The following BICD1 variants were observed in gnomAD, a reference collection of about 807,000 sequenced individuals.
The protein encoded by BICD1 is protein bicaudal D homolog 1.
A neutral mutation model predicts 92.5 loss-of-function variants in BICD1; 35 were observed. The ratio of observed to expected loss-of-function variants is 0.38; its 90% confidence interval spans 0.29 to 0.50. BICD1 has a LOEUF of 0.50. Ranked by LOEUF, BICD1 falls within the 20% of genes least tolerant of loss-of-function variation. The pLI is 0.93. For synonymous variants in BICD1, 429 were observed against 465.1 expected (o/e 0.92, Z 1.00); for missense variants, 950 against 1,189.8 (o/e 0.80, Z 2.97).
At position 32,378,058 on chromosome 12, in the gene BICD1, T is replaced by G. The variant is rs1940050096; in HGVS notation, c.*431T>G. 2.6e-5 allele frequency: 4 copies of G among 154,244 alleles called. No homozygotes were observed. 9.6% of individuals were successfully genotyped at this position (154,244 alleles called of 1,614,324 possible). On this transcript the variant is annotated 3_prime_UTR_variant, in exon 10 of 10. Transcript: ENST00000652176. Reference sequence around the variant, plus strand: ...TCATTGATATTTATTTTGTACTTTATTTGCTACATGATTTATGTCTATACA... The same window carrying G: ...TCATTGATATTTATTTTGTACTTTAGTTGCTACATGATTTATGTCTATACA...
At chr12:32,366,511 TGGGAGGCTGAGGCAGGAGAATCACCTC>T (rs1197509604) in intron 8 of BICD1, among the ~76,000 whole-genome samples, 12 of 152,166 alleles carry the variant, frequency 7.9e-5, no homozygotes, top group East Asian at 7.8e-4. Context: ...CCCTGCTCCT[TGGGAGGCTGAGGCAGGAGAATCACCTC>T]GGGAGGCTGA....
At chr12:32,130,438 G>A (rs1015103738) in intron 1 of BICD1, among the ~76,000 whole-genome samples, 6 of 152,178 alleles carry the variant, frequency 3.9e-5, no homozygotes, top group Admixed American at 3.9e-4. Context: ...TGATCTGCCT[G>A]CCTCAGCCTC....
chr12:32,158,722 C>T (rs1301806614), intron 1 of BICD1, among the ~76,000 whole-genome samples: 1 of 152,160 alleles, frequency 6.6e-6, no homozygotes, highest in African/African-American at 2.4e-5. Flanking sequence ...TTTGTTAGAA[C>T]CTCTGCTGCA....
rs1412593321 is a variant in BICD1 at position 32,172,292 on chromosome 12, T to C, written c.214-43955T>C. 3.4e-5 allele frequency among the ~76,000 whole-genome samples: 5 copies of C among 145,630 alleles called. 1 individual carries two copies. The highest frequency in any genetic ancestry group is 9.8e-5 in the African/African-American group (4 of 41,020). ...TTGGTTTTATACCAGATACTAGTTA[T>C]ATAGAGATGAAAAGACAAGTTTCCT... On this transcript the variant is annotated intron_variant, in intron 1 of 9. Transcript: ENST00000652176.
chr12:32,372,817 C>A (rs1939788271), intron 9 of BICD1, among the ~76,000 whole-genome samples: 1 of 152,158 alleles, frequency 6.6e-6, no homozygotes, highest in South Asian at 2.1e-4. Context: ...TTCAAGGCAG[C>A]AGTGAGCCGA....
intron 2 of BICD1, among the ~76,000 whole-genome samples, chr12:32,239,907 C>T (rs895837426): frequency 2.0e-5 from 3 of 152,088 alleles, no homozygotes; most frequent in African/African-American, 7.2e-5. Flanking sequence ...CATGCCTGGC[C>T]CACTCAAGCA....
intron 1 of BICD1, among the ~76,000 whole-genome samples, chr12:32,134,183 G>A (rs1942650009): frequency 6.6e-6 from 1 of 152,162 alleles, no homozygotes; most frequent in Admixed American, 6.5e-5. Context: ...ATATATTCTT[G>A]AGCTAGAATT....
intron 2 of BICD1, among the ~76,000 whole-genome samples, chr12:32,282,115 AAG>A (rs1049569047): frequency 1.3e-5 from 2 of 151,916 alleles, no homozygotes; most frequent in Admixed American, 6.6e-5. Flanking sequence ...TCCTAGTGAA[AAG>A]AGTGTGAACA....
rs747095378 is a variant in BICD1, at chr12:32,216,271, C to T, written c.238C>T (p.His80Tyr). The change falls in exon 2 of 10, where the codon CAC (histidine) becomes TAC (tyrosine). Residue 80 changes from histidine (H) to tyrosine (Y), a missense_variant. Physicochemically the swap from His to Tyr is moderately conservative, Grantham distance 83 (BLOSUM62 2). This residue lies in a region of BICD1 where 202 missense variants were observed against 205.3 expected (regional missense o/e 0.98). Coordinates refer to ENST00000652176, the MANE Select transcript of BICD1 (RefSeq NM_001714.4). ...KEAFGQSFSI[H>Y]RKVAEDGETR... ...GGCATTTGGGCAGTCCTTCTCCATCCACCGGAAGGTTGCTGAAGATGGAGA... is the reference window on the plus strand; with the variant it reads ...GGCATTTGGGCAGTCCTTCTCCATCTACCGGAAGGTTGCTGAAGATGGAGA... The T allele has an allele frequency of 6.2e-7, 1 of 1,613,836 alleles. No homozygotes were observed. Among genetic ancestry groups the T allele is most frequent in the Admixed American group, 1.7e-5 (1 of 60,014 alleles).
intron 1 of BICD1, among the ~76,000 whole-genome samples, chr12:32,208,280 G>A (rs1366814925): frequency 6.6e-6 from 1 of 152,178 alleles, no homozygotes; most frequent in African/African-American, 2.4e-5. Flanking sequence ...TCGTCTTTCT[G>A]CTAATAATAG....
intron 1 of BICD1, among the ~76,000 whole-genome samples, chr12:32,190,140 C>A (rs1944526378): frequency 6.6e-6 from 1 of 151,858 alleles, no homozygotes; most frequent in Non-Finnish European, 1.5e-5. Context: ...TCAAAGCATA[C>A]CACTACAAAA....
chr12:32,308,095 T>C (rs534752151), intron 4 of BICD1, among the ~76,000 whole-genome samples: 6 of 152,330 alleles, frequency 3.9e-5, no homozygotes, highest in Middle Eastern at 3.4e-3. Flanking sequence ...AATTGGGTAA[T>C]ACAAAAGTCT....
intron 1 of BICD1, among the ~76,000 whole-genome samples, chr12:32,174,738 T>TC (rs1215638680): frequency 1.3e-5 from 2 of 152,218 alleles, no homozygotes; most frequent in African/African-American, 4.8e-5. Flanking sequence ...TAGTAATTAC[T>TC]CCTTTCATTA....
intron 1 of BICD1, among the ~76,000 whole-genome samples, chr12:32,120,761 T>C (rs955803067): frequency 6.6e-6 from 1 of 152,066 alleles, no homozygotes; most frequent in South Asian, 2.1e-4. Context: ...GACCATTTTT[T>C]TTTTGTCTTT....
At chr12:32,321,571 A>G (rs1314175434) in intron 4 of BICD1, among the ~76,000 whole-genome samples, 1 of 152,220 alleles carries the variant, frequency 6.6e-6, no homozygotes, top group Admixed American at 6.5e-5. Context: ...TCACTACAGA[A>G]GATTATAATA....
intron 1 of BICD1, chr12:32,108,558 A>G: frequency 1.6e-6 from 1 of 626,760 alleles, no homozygotes; most frequent in Admixed American, 2.5e-5. Context: ...TCAAGTCCTT[A>G]TTTTTAGGTG....
At chr12:32,194,798 G>C (rs140135855) in intron 1 of BICD1, among the ~76,000 whole-genome samples, 1 of 152,088 alleles carries the variant, frequency 6.6e-6, no homozygotes, top group Non-Finnish European at 1.5e-5. Flanking sequence ...TAGGAGAATC[G>C]CTTGAACCGG....
intron 1 of BICD1, among the ~76,000 whole-genome samples, chr12:32,148,298 C>T (rs1364892166): frequency 2.0e-5 from 3 of 152,004 alleles, no homozygotes; most frequent in African/African-American, 2.4e-5. Flanking sequence ...CAGTTACATT[C>T]GAATTAGGCA....
At chr12:32,319,791 T>A (rs551556716) in intron 4 of BICD1, among the ~76,000 whole-genome samples, 1 of 152,200 alleles carries the variant, frequency 6.6e-6, no homozygotes, top group African/African-American at 2.4e-5. Flanking sequence ...TTCAGGCTGG[T>A]CTCAAACTCC....
Sources: gnomAD v4.1 joint callset for allele counts (sites outside exome capture counted in the v4.1 genomes callset) on GRCh38, gnomAD v4.1.1 for gene constraint, gnomAD v4.1.1 regional missense constraint, MANE v1.5 for transcripts, NCBI Gene and HGNC (gene_info 2026-07-23, HGNC 2026-07-21) for gene names.